Variants in TLE6 observed in about 807,000 individuals in gnomAD.
The protein encoded by TLE6 is transducin-like enhancer protein 6.
In TLE6, 72 loss-of-function variants were observed where a neutral mutation model predicts 77.1. That is an observed-to-expected ratio of 0.93 (90% CI 0.77 to 1.14). The LOEUF (loss-of-function observed/expected upper bound fraction) is 1.14, where lower values mean the gene tolerates loss of function less well. TLE6 is among the 50% of genes most tolerant of loss of function. The pLI is 0.00. For synonymous variants in TLE6, 366 were observed against 287.3 expected (o/e 1.27, Z -2.77); for missense variants, 843 against 747.6 (o/e 1.13, Z -1.49).
intron 13 of TLE6, among the ~76,000 whole-genome samples, chr19:2,990,205 C>T (rs2089012853): frequency 6.6e-6 from 1 of 151,726 alleles, no homozygotes; most frequent in South Asian, 2.1e-4. Context: ...TCGAGATTAA[C>T]CTGGGTAATG....
intron 2 of TLE6, 130 bp from the exon 3 acceptor site, chr19:2,979,964 CAAAAAA>C (rs58993753): frequency 1.1e-5 from 4 of 367,222 alleles, no homozygotes; most frequent in Middle Eastern, 7.1e-4. Flanking sequence ...ACTCGGTTTC[CAAAAAA>C]AAAAAAAAAA....
chr19:2,994,171 T>C, intron 16 of TLE6, 76 bp downstream of exon 16: 1 of 1,317,228 alleles, frequency 7.6e-7, no homozygotes, highest in Non-Finnish European at 1.0e-6. Flanking sequence ...CAAGACCCTG[T>C]CTCCACAAAA....
intron 11 of TLE6, 62 bp downstream of exon 11, chr19:2,988,190 T>G: frequency 6.7e-7 from 1 of 1,497,382 alleles, no homozygotes. Flanking sequence ...CCTTCCTGTC[T>G]ATACCTCTGT....
In TLE6 at chr19:2,987,248, C is replaced by T. The variant is rs2088934382; in HGVS notation, c.541+10C>T. ...AAGCCCAGAGACAGACGTGAGTGTC[C>T]CTGAGGGTGAGGGGGAAGGGGCAGC... On this transcript the variant is annotated intron_variant, in intron 7 of 16. Coordinates refer to ENST00000246112, the MANE Select transcript of TLE6 (RefSeq NM_001143986.2). 3 of 1,613,988 alleles carry T rather than the reference C, an allele frequency of 1.9e-6. No homozygotes were observed. Among genetic ancestry groups the T allele is most frequent in the African/African-American group, 2.7e-5 (2 of 74,912 alleles).
intron 5 of TLE6, chr19:2,984,351 C>CAG (rs1491410310): frequency 2.0e-5 from 3 of 150,658 alleles, no homozygotes; most frequent in Non-Finnish European, 3.0e-5. Context: ...CCCCCCCCCC[C>CAG]CGCGGGGCTC....
intron 11 of TLE6, 81 bp downstream of exon 11, chr19:2,988,209 CA>C: frequency 1.4e-6 from 2 of 1,391,010 alleles, no homozygotes; most frequent in Non-Finnish European, 2.0e-6. Flanking sequence ...GTTCCCGACA[CA>C]TAGAGGGGAA....
intron 2 of TLE6, among the ~76,000 whole-genome samples, chr19:2,979,455 C>T (rs1284523976): frequency 6.6e-6 from 1 of 151,328 alleles, no homozygotes; most frequent in African/African-American, 2.4e-5. Context: ...CTGAGTTGCC[C>T]AGGGTTGTCT....
At chr19:2,982,564 G>T (rs1328320248) in intron 5 of TLE6, among the ~76,000 whole-genome samples, 8 of 151,234 alleles carry the variant, frequency 5.3e-5, no homozygotes, top group Admixed American at 4.6e-4. Flanking sequence ...AAAAGGAGGT[G>T]GGGGATGGTG....
chr19:2,994,024 T>C lies in TLE6; in HGVS notation c.1543T>C (p.Trp515Arg). 11 of 1,600,130 alleles carry C rather than the reference T, an allele frequency of 6.9e-6. No homozygotes were observed. Among genetic ancestry groups the C allele is most frequent in the Non-Finnish European group, 9.4e-6 (11 of 1,174,980 alleles). Residue 515 changes from tryptophan (W) to arginine (R), a missense_variant, in exon 16 of 17, where the codon TGG becomes CGG. Transcript: ENST00000246112. ...TGATGCTCCATTTCTCCCAGGCCAG[T>C]GGTGGGCAAGCGTTGGAATGGACGA... ...LSVKFSPFGQ[W>R]WASVGMDDFL...
chr19:2,988,517 G>A (rs1002481595), intron 11 of TLE6, among the ~76,000 whole-genome samples: 1 of 152,140 alleles, frequency 6.6e-6, no homozygotes, highest in Non-Finnish European at 1.5e-5. Context: ...AGAATGGCGT[G>A]AACCCGGGAG....
Position 2,994,125 on chromosome 19 carries a change from G to A in TLE6, c.1614+30G>A, listed in dbSNP as rs115807892. ...TGCGGTGGGCTGGGGGCAGGACCCG[G>A]GGGTGGCCCCAAAGGGACCAGCCTG... On this transcript the variant is annotated intron_variant, in intron 16 of 16. Transcript: ENST00000246112. 1,879 of 1,579,430 alleles carry A rather than the reference G, an allele frequency of 1.2e-3. 16 individuals are homozygous for A. In the African/African-American group the frequency reaches 0.019, roughly 16 times the overall value.
Position 2,988,222 on chromosome 19 carries a change from A to G in TLE6, c.740+94A>G, listed in dbSNP as rs571935193. 9 of 1,299,532 alleles carry G rather than the reference A, an allele frequency of 6.9e-6. No homozygotes were observed. In the African/African-American group the frequency reaches 1.3e-4, roughly 19 times the overall value. 80.5% of individuals were successfully genotyped at this position (1,299,532 alleles called of 1,614,324 possible). A position where few individuals can be genotyped will look rare whatever the true frequency, so the allele number is the denominator to read the frequency against. The stretch of plus-strand genomic sequence containing the variant: ...CTGTTCCCGACACATAGAGGGGAAC[A>G]GAGGTGTAAGACTTTCTTCCCCTTT... On this transcript the variant is annotated intron_variant, in intron 11 of 16. Transcript: ENST00000246112.
intron 5 of TLE6, among the ~76,000 whole-genome samples, chr19:2,983,436 G>A (rs115260572): frequency 8.5e-5 from 13 of 152,128 alleles, no homozygotes; most frequent in Non-Finnish European, 1.8e-4. Context: ...GGGAAGGCAT[G>A]CGAGAAGGTG....
At chr19:2,991,801 A>G (rs1246069476) in intron 13 of TLE6, 42 bp from the exon 14 acceptor site, 3 of 1,602,626 alleles carry the variant, frequency 1.9e-6, no homozygotes, top group Admixed American at 3.4e-5. Context: ...CCCAAACCTC[A>G]GAGTCTTGAC....
upstream of TLE6, chr19:2,977,526 GC>G (rs2088700204): frequency 6.6e-6 from 1 of 152,574 alleles, no homozygotes; most frequent in Admixed American, 6.5e-5. Flanking sequence ...ACGAGGCGGG[GC>G]CCGATGGGTC....
In TLE6 at chr19:2,995,056, T is replaced by TGC; in HGVS notation, c.*52_*53insGC. On this transcript the variant is annotated 3_prime_UTR_variant, in exon 17 of 17. Coordinates refer to ENST00000246112, the MANE Select transcript of TLE6 (RefSeq NM_001143986.2). Reference sequence around the variant, plus strand: ...CGGCTCCTCTTTTCATCCCCCCCCTTCCCCCCCCCCAACAAGGGGGACATG... The same window carrying TGC: ...CGGCTCCTCTTTTCATCCCCCCCCTTGCCCCCCCCCCCAACAAGGGGGACATG... The TGC allele has an allele frequency of 3.6e-6, 3 of 827,280 alleles. No homozygotes were observed. The highest frequency in any genetic ancestry group is 3.7e-6 in the Non-Finnish European group (2 of 533,534). The allele number at this position is 827,280 out of a possible 1,614,324, so 51.2% of individuals were successfully genotyped here. A position where few individuals can be genotyped will look rare whatever the true frequency, so the allele number is the denominator to read the frequency against.
At chr19:2,983,630 G>GGAGGGCAGGGACGGT (rs879343880) in intron 5 of TLE6, among the ~76,000 whole-genome samples, 114 of 152,026 alleles carry the variant, frequency 7.5e-4, no homozygotes, top group Non-Finnish European at 1.1e-3. Context: ...GGAGGAGGGG[G>GGAGGGCAGGGACGGT]GGAGGGCAGG....
chr19:2,990,243 TAAATA>T (rs1387493477), intron 13 of TLE6, among the ~76,000 whole-genome samples: 1 of 151,990 alleles, frequency 6.6e-6, no homozygotes, highest in Non-Finnish European at 1.5e-5. Flanking sequence ...CTATTTTTAT[TAAATA>T]GAATAAATTT....
chr19:2,989,847 C>T, intron 13 of TLE6, 62 bp downstream of exon 13: 1 of 1,587,504 alleles, frequency 6.3e-7, no homozygotes, highest in East Asian at 2.2e-5. Flanking sequence ...CACCTCTGCC[C>T]ACCTTACTGC....
Sources: gnomAD v4.1 joint callset for allele counts (sites outside exome capture counted in the v4.1 genomes callset) on GRCh38, gnomAD v4.1.1 for gene constraint, MANE v1.5 for transcripts, NCBI Gene and HGNC (gene_info 2026-07-23, HGNC 2026-07-21) for gene names.